The following XKR9 variants were observed in gnomAD, a reference collection of about 807,000 sequenced individuals.
The protein encoded by XKR9 is XK-related protein 9.
Under a neutral mutation model 32.0 loss-of-function variants are expected in XKR9, and 32 were observed. That is an observed-to-expected ratio of 1.00 (90% CI 0.76 to 1.34). XKR9 has a LOEUF of 1.34. Among genes scored for constraint, XKR9 ranks in the 40% most tolerant of loss-of-function variants. The pLI, the probability that XKR9 is intolerant of heterozygous loss-of-function variation, is 0.00. For synonymous variants in XKR9, 168 were observed against 143.4 expected (o/e 1.17, Z -1.22); for missense variants, 546 against 429.7 (o/e 1.27, Z -2.39).
chr8:70,762,602 A>G (rs529024765), intron 2 of XKR9, among the ~76,000 whole-genome samples: 15 of 152,328 alleles, frequency 9.8e-5, no homozygotes, highest in African/African-American at 3.1e-4. Context: ...GAATTTATTT[A>G]AAGTGTCATT....
chr8:70,741,754 T>A (rs191818527), intron 2 of XKR9, among the ~76,000 whole-genome samples: 1 of 152,330 alleles, frequency 6.6e-6, no homozygotes, highest in South Asian at 2.1e-4. Flanking sequence ...TGCTTTCAGT[T>A]CTTTTGGATA....
chr8:71,064,175 A>G, the XKR9 span, among the ~76,000 whole-genome samples: 4 of 152,170 alleles, frequency 2.6e-5, no homozygotes, highest in East Asian at 3.8e-4. Flanking sequence ...TATACCCATC[A>G]TTGAGATTTA....
the XKR9 span, among the ~76,000 whole-genome samples, chr8:70,924,543 C>A: frequency 6.6e-6 from 1 of 152,194 alleles, no homozygotes; most frequent in Non-Finnish European, 1.5e-5. Context: ...GTGAACTCAA[C>A]ATTCCCCAAA....
At chr8:70,793,011 A>C (rs1454279998), downstream of XKR9, among the ~76,000 whole-genome samples, 1 of 152,114 alleles carries the variant, frequency 6.6e-6, no homozygotes, top group African/African-American at 2.4e-5. Flanking sequence ...GGACTAAGAC[A>C]ATTACAAAGG....
At chr8:70,884,493 A>C in the XKR9 span, among the ~76,000 whole-genome samples, 1 of 152,126 alleles carries the variant, frequency 6.6e-6, no homozygotes, top group Non-Finnish European at 1.5e-5. Context: ...TCTTCTAGCA[A>C]TTTTATAGTT....
intron 2 of XKR9, among the ~76,000 whole-genome samples, chr8:70,783,476 T>G (rs1807643951): frequency 6.6e-6 from 1 of 152,174 alleles, no homozygotes; most frequent in Non-Finnish European, 1.5e-5. Context: ...TCTGCCTGCC[T>G]TGGCCCAAAG....
chr8:70,816,920 A>G, the XKR9 span, among the ~76,000 whole-genome samples: 1 of 152,128 alleles, frequency 6.6e-6, no homozygotes, highest in East Asian at 1.9e-4. Context: ...TAAAATCCAC[A>G]TTCTTTAATG....
At chr8:70,892,287 A>G in the XKR9 span, among the ~76,000 whole-genome samples, 2 of 151,878 alleles carry the variant, frequency 1.3e-5, no homozygotes, top group Non-Finnish European at 2.9e-5. Context: ...TACTCATGTT[A>G]TTTTGTTAAT....
intron 4 of XKR9, among the ~76,000 whole-genome samples, chr8:70,727,497 T>C (rs1806512875): frequency 6.6e-6 from 1 of 152,052 alleles, no homozygotes; most frequent in Admixed American, 6.6e-5. Flanking sequence ...GCCTCCCGGA[T>C]TCAGTCGATT....
intron 2 of XKR9, among the ~76,000 whole-genome samples, chr8:70,751,241 C>T (rs200601714): frequency 5.3e-4 from 80 of 152,216 alleles, no homozygotes; most frequent in Middle Eastern, 3.4e-3. Context: ...GGGATTCTCC[C>T]GCCTCAGCCT....
the XKR9 span, among the ~76,000 whole-genome samples, chr8:70,803,012 G>C: frequency 2.0e-5 from 3 of 152,020 alleles, no homozygotes; most frequent in African/African-American, 7.3e-5. Context: ...GCGAAGTTGG[G>C]GAAATTTTCA....
the XKR9 span, among the ~76,000 whole-genome samples, chr8:71,002,411 A>G: frequency 1.5e-5 from 2 of 136,952 alleles, no homozygotes; most frequent in Admixed American, 7.3e-5. Flanking sequence ...GTGTTTATCT[A>G]TATTATTTTT....
the XKR9 span, among the ~76,000 whole-genome samples, chr8:71,009,626 A>T: frequency 6.6e-6 from 1 of 152,216 alleles, no homozygotes; most frequent in South Asian, 2.1e-4. Flanking sequence ...ATAGTACTTG[A>T]ATTTGAACTG....
At chr8:70,882,062 A>G in the XKR9 span, among the ~76,000 whole-genome samples, 1 of 152,182 alleles carries the variant, frequency 6.6e-6, no homozygotes, top group South Asian at 2.1e-4. Flanking sequence ...GAATTGAACA[A>G]TGAAATCACT....
At chr8:70,731,634 C>T (rs1806670067) in intron 4 of XKR9, among the ~76,000 whole-genome samples, 1 of 152,192 alleles carries the variant, frequency 6.6e-6, no homozygotes, top group African/African-American at 2.4e-5. Flanking sequence ...ATTTTCTCCT[C>T]TTGGTCCCCT....
At chr8:70,952,561 G>C in the XKR9 span, among the ~76,000 whole-genome samples, 1 of 152,136 alleles carries the variant, frequency 6.6e-6, no homozygotes, top group Non-Finnish European at 1.5e-5. Context: ...TCTGTGCCAG[G>C]CTGTGTTGTG....
At chr8:71,002,613 A>G in the XKR9 span, among the ~76,000 whole-genome samples, 1 of 152,182 alleles carries the variant, frequency 6.6e-6, no homozygotes, top group Admixed American at 6.5e-5. Context: ...TATTGTAACT[A>G]CAATAAAAAC....
chr8:70,688,715 C>CTT lies in XKR9; in HGVS notation c.272+7398_272+7399dup, dbSNP rs11450447. ...ACAGACGTTAGCCACTGTGCCTGTC[C>CTT]TTTTTTTTTTTTTTGAAATTGATTG... On this transcript the variant is annotated intron_variant, in intron 3 of 4. Transcript: ENST00000408926. 1.2e-3 allele frequency among the ~76,000 whole-genome samples: 168 copies of CTT among 144,840 alleles called. 1 individual carries two copies. The highest frequency in any genetic ancestry group is 2.1e-3 in the African/African-American group (82 of 39,136).
chr8:70,731,740 C>T (rs973531703), intron 4 of XKR9, among the ~76,000 whole-genome samples: 1 of 152,110 alleles, frequency 6.6e-6, no homozygotes, highest in Non-Finnish European at 1.5e-5. Context: ...GATAGTCACC[C>T]TGAGACAGGT....
Sources: allele counts gnomAD v4.1 joint callset (sites outside exome capture counted in the v4.1 genomes callset), GRCh38; gene constraint gnomAD v4.1.1; transcripts MANE v1.5; gene names NCBI Gene and HGNC (gene_info 2026-07-23, HGNC 2026-07-21).